Variants in NAT10 observed in about 807,000 individuals in gnomAD.
NAT10 encodes the protein RNA cytidine acetyltransferase.
NAT10 carries 109 observed loss-of-function variants against 132.2 expected under a neutral mutation model. The ratio of observed to expected loss-of-function variants is 0.82; its 90% CI spans 0.71 to 0.97. The LOEUF is 0.97. NAT10 is among the 50% of genes least tolerant of loss of function. The pLI is 0.00. For synonymous variants in NAT10, 479 were observed against 478.0 expected, an observed-to-expected ratio of 1.00 and a Z score of -0.03; for missense variants, 1,184 against 1,263.4, an observed-to-expected ratio of 0.94 and a Z score of 0.95.
intron 9 of NAT10, 145 bp downstream of exon 9, chr11:34,122,737 C>A: frequency 8.7e-7 from 1 of 1,147,434 alleles, no homozygotes. Context: ...GTCTTGATTT[C>A]CTGCCAGGAA....
chr11:34,118,854 C>T (rs1795727904), intron 8 of NAT10, among the ~76,000 whole-genome samples: 1 of 152,128 alleles, frequency 6.6e-6, no homozygotes, highest in Non-Finnish European at 1.5e-5. Context: ...AAGCAGTTCT[C>T]CTGCCTCAAC....
chr11:34,107,001 T>G (rs187469533), intron 1 of NAT10: 1 of 151,736 alleles, frequency 6.6e-6, no homozygotes, highest in African/African-American at 2.4e-5. Flanking sequence ...ATTGGGATGA[T>G]GCAGTATTTT....
rs565476920 is a variant in NAT10 at position 34,146,840 on chromosome 11, G to T, written c.*648G>T. ...CATTTGGGAAAAGATGTTGGGAAAG[G>T]CCACTTTGCTCGCAGGGGTGAGGGG... On this transcript the variant is annotated 3_prime_UTR_variant, in exon 29 of 29. Transcript: ENST00000257829. 2 of 152,286 alleles carry T rather than the reference G, an allele frequency of 1.3e-5. No homozygotes were observed. The highest frequency in any genetic ancestry group is 4.8e-5 in the African/African-American group (2 of 41,470). The allele number at this position is 152,286 out of a possible 1,614,324, so 9.4% of individuals were successfully genotyped here.
Position 34,132,514 on chromosome 11 carries a change from G to T in NAT10, c.1617+293G>T, listed in dbSNP as rs542813581. Among the ~76,000 whole-genome samples the T allele has an allele frequency of 9.2e-5, 14 of 152,300 alleles. No homozygotes were observed. The South Asian group carries it at 2.9e-3, about 32-fold the overall frequency. ...CAGTTGTGGCCCGGTGGTGCAGTTT[G>T]ACCTGAGACCAGCTTTATAGCTCTG... On this transcript the variant is annotated intron_variant, in intron 15 of 28. Transcript: ENST00000257829.
chr11:34,118,490 A>G lies in NAT10; in HGVS notation c.767A>G (p.Lys256Arg). The change falls in exon 8 of 29, where the codon AAG becomes AGG. Residue 256 changes from lysine (K) to arginine (R), a missense_variant. Coordinates refer to ENST00000257829, the MANE Select transcript of NAT10 (RefSeq NM_024662.3). ...GTGGGTGTGTTGGTGGACTGCTGTA[A>G]GACTCTAGACCAGGTGAGTGTGGTG... Reference protein sequence around the residue: ...QPVGVLVDCCKTLDQAKAVLK... With the variant: ...QPVGVLVDCCRTLDQAKAVLK... 6.2e-7 allele frequency: 1 copy of G among 1,613,686 alleles called. No homozygotes were observed. The highest frequency in any genetic ancestry group is 8.5e-7 in the Non-Finnish European group (1 of 1,179,792).
In NAT10 at chr11:34,108,216, A is replaced by G. The variant is rs182044669; in HGVS notation, c.-10A>G. ...TGTATTTCTTTCTCTTTTAGTAATA[A>G]TTTTTCACCATGCATCGGAAAAAGG... On this transcript the variant is annotated 5_prime_UTR_variant, in exon 2 of 29. Transcript: ENST00000257829. 1 of 1,607,588 alleles carries G rather than the reference A, an allele frequency of 6.2e-7. No individual in the cohort carries two copies. Among genetic ancestry groups the G allele is most frequent in the African/African-American group, 1.3e-5 (1 of 74,876 alleles).
intron 8 of NAT10, among the ~76,000 whole-genome samples, chr11:34,119,046 G>C (rs1851837760): frequency 6.6e-6 from 1 of 152,258 alleles, no homozygotes; most frequent in African/African-American, 2.4e-5. Context: ...AGGAGAACTT[G>C]AGGCCCCTAG....
intron 4 of NAT10, 99 bp downstream of exon 4, chr11:34,112,322 A>G: frequency 2.1e-6 from 3 of 1,414,818 alleles, no homozygotes; most frequent in Non-Finnish European, 2.9e-6. Flanking sequence ...TAAGGAGAGG[A>G]GAGTCCCATG....
intron 23 of NAT10, among the ~76,000 whole-genome samples, chr11:34,139,811 C>A (rs1023991361): frequency 4.6e-5 from 7 of 152,054 alleles, no homozygotes; most frequent in Non-Finnish European, 8.8e-5. Flanking sequence ...GTTTAGTTTC[C>A]TGATTCATGA....
At chr11:34,130,755 C>T in intron 12 of NAT10, 58 bp from the exon 13 acceptor site, 3 of 1,587,118 alleles carry the variant, frequency 1.9e-6, no homozygotes, top group South Asian at 1.1e-5. Flanking sequence ...GCTCTCTGTC[C>T]CCTCCTAGAC....
At chr11:34,111,923 C>A in intron 3 of NAT10, 129 bp from the exon 4 acceptor site, 1 of 1,082,334 alleles carries the variant, frequency 9.2e-7, no homozygotes, top group Non-Finnish European at 1.3e-6. Context: ...TGAAGTGGGC[C>A]TCACACTTTC....
chr11:34,129,844 G>A lies in NAT10; in HGVS notation c.1245-969G>A, dbSNP rs1469206173. Reference sequence around the variant, plus strand: ...GGCTGGTCTCAAACTCCTGACCTCAGGTGATCTACCCGCCTCGGCCTCCCA... The same window carrying A: ...GGCTGGTCTCAAACTCCTGACCTCAAGTGATCTACCCGCCTCGGCCTCCCA... On this transcript the variant is annotated intron_variant, in intron 12 of 28. Transcript: ENST00000257829. Among the ~76,000 whole-genome samples the A allele has an allele frequency of 6.6e-5, 10 of 151,878 alleles. No individual in the cohort carries two copies. In the East Asian group the frequency reaches 1.7e-3, roughly 27 times the overall value.
rs762363290 is a variant in NAT10, at chr11:34,137,044, C to T, written c.2211+18C>T. The T allele has an allele frequency of 1.9e-6, 3 of 1,613,960 alleles. No individual in the cohort carries two copies. Among genetic ancestry groups the T allele is most frequent in the Non-Finnish European group, 2.5e-6 (3 of 1,179,960 alleles). ...AGACCCCGGTGAGTGAGGCATCCAG[C>T]AGAGGAGAAGTTTAGGTTTACCGTT... On this transcript the variant is annotated intron_variant, in intron 21 of 28. Transcript: ENST00000257829.
intron 1 of NAT10, among the ~76,000 whole-genome samples, chr11:34,106,379 A>T (rs139509254): frequency 6.6e-6 from 1 of 151,512 alleles, no homozygotes; most frequent in Non-Finnish European, 1.5e-5. Flanking sequence ...GCCCATAGTA[A>T]TCTCAGCCCT....
chr11:34,127,373 A>G, intron 11 of NAT10, 90 bp from the exon 12 acceptor site: 3 of 1,338,218 alleles, frequency 2.2e-6, no homozygotes, highest in Admixed American at 2.1e-5. Flanking sequence ...GAGAGAGAGG[A>G]AAGAGAACAT....
chr11:34,143,392 A>C, intron 27 of NAT10, 53 bp from the exon 28 acceptor site: 1 of 1,475,080 alleles, frequency 6.8e-7, no homozygotes, highest in Middle Eastern at 1.7e-4. Context: ...TTTTCTCTTA[A>C]GCAGTCCCCT....
At chr11:34,131,626 C>T in intron 14 of NAT10, 95 bp downstream of exon 14, 2 of 1,261,700 alleles carry the variant, frequency 1.6e-6, no homozygotes. Context: ...GGATGCTGCT[C>T]TAGAGAAAGG....
Position 34,121,637 on chromosome 11 carries a change from G to A in NAT10, c.781-822G>A, listed in dbSNP as rs145528259. Among the ~76,000 whole-genome samples the A allele has an allele frequency of 2.3e-3, 343 of 152,032 alleles. 1 individual carries two copies. Among genetic ancestry groups the A allele is most frequent in the Middle Eastern group, 0.014 (4 of 294 alleles). On this transcript the variant is annotated intron_variant, in intron 8 of 28. Transcript: ENST00000257829. Reference sequence around the variant, plus strand: ...AGCACTTTGGAAGGCTGAGGTGAGCGGATCACGAGGTCAAGAGATTGAGAT... The same window carrying A: ...AGCACTTTGGAAGGCTGAGGTGAGCAGATCACGAGGTCAAGAGATTGAGAT...
chr11:34,112,564 T>C (rs1436232177), intron 4 of NAT10, among the ~76,000 whole-genome samples: 1 of 152,228 alleles, frequency 6.6e-6, no homozygotes, highest in Non-Finnish European at 1.5e-5. Context: ...CCAAAGACTT[T>C]TTTTGTCCAG....
Sources: allele counts gnomAD v4.1 joint callset (sites outside exome capture counted in the v4.1 genomes callset), GRCh38; gene constraint gnomAD v4.1.1; transcripts MANE v1.5; gene names NCBI Gene and HGNC (gene_info 2026-07-23, HGNC 2026-07-21).